Variants in NEB observed in about 807,000 individuals in gnomAD.
NEB encodes nebulin.
In NEB, 512 loss-of-function variants were observed where a neutral mutation model predicts 952.2. That is an observed-to-expected ratio of 0.54 (90% CI 0.50 to 0.58). The LOEUF (loss-of-function observed/expected upper bound fraction) is 0.58, where lower values mean the gene tolerates loss of function less well. Among genes scored for constraint, NEB ranks in the 20% least tolerant of loss-of-function variants. The probability of loss-of-function intolerance (pLI) is 0.00; values close to 1 mark genes in which losing one functional copy is unlikely to be tolerated. For synonymous variants in NEB, 2,900 were observed against 3,149.8 expected (o/e 0.92, Z 2.66); for missense variants, 8,428 against 9,231.1 (o/e 0.91, Z 3.56).
rs891237866 is a variant in NEB at position 151,616,623 on chromosome 2, G to A, written c.11182-514C>T. Among the ~76,000 whole-genome samples, 84 of 152,158 alleles carry A rather than the reference G, an allele frequency of 5.5e-4. 2 individuals carry two copies. The highest frequency in any genetic ancestry group is 6.5e-5 in the Admixed American group (1 of 15,272). ...GCAGGAGAATTGCTTGAACCCAGGA[G>A]GCGGAGGTTGCAGTGAACCAAAATT... On this transcript the variant is annotated intron_variant, in intron 75 of 181. Transcript: ENST00000397345.
At chr2:151,636,421 G>T in intron 63 of NEB, 87 bp from the exon 64 acceptor site, 1 of 1,000,660 alleles carries the variant, frequency 1.0e-6, no homozygotes, top group Non-Finnish European at 1.5e-6. Context: ...GTTCTCCACA[G>T]ACAGTGCCTA....
In NEB at chr2:151,679,756, T is replaced by C. The variant is rs779758933; in HGVS notation, c.3220A>G (p.Arg1074Gly). 3.8e-6 allele frequency: 6 copies of C among 1,559,256 alleles called. 1 individual carries two copies. The South Asian group carries it at 6.6e-5, about 17-fold the overall frequency. ...YDLRTDAIPI[R>G]AAKAARQAAS... ...GCCTGCCTGGCAGCTTTGGCAGCTC[T>C]GATGGGAATCGCATCAGTTCTCAGG... The change falls in exon 32 of 182, where the codon AGA becomes GGA. Residue 1074 changes from arginine (R) to glycine (G), a missense_variant. Arg to Gly is a moderately radical substitution (Grantham distance 125). Around this residue, in one of 11 missense-constraint regions of NEB, gnomAD observed 2,851 missense variants for 2,791.5 expected, o/e 1.02. Coordinates refer to ENST00000397345, the MANE Select transcript of NEB (RefSeq NM_001164508.2).
intron 148 of NEB, among the ~76,000 whole-genome samples, chr2:151,526,543 T>C (rs1024446249): frequency 1.3e-5 from 2 of 152,128 alleles, no homozygotes; most frequent in African/African-American, 4.8e-5. Flanking sequence ...CCATAAGCCC[T>C]CCATGAGCCC....
At chr2:151,531,144 A>G (rs1261976113) in intron 144 of NEB, 43 bp from the exon 145 acceptor site, 1 of 1,236,072 alleles carries the variant, frequency 8.1e-7, no homozygotes, top group Non-Finnish European at 1.2e-6. Context: ...CATGCTTCTC[A>G]ATGTATAATA....
chr2:151,656,209 G>A lies in NEB; in HGVS notation c.6439C>T (p.Leu2147Phe). 1 of 1,611,392 alleles carries A rather than the reference G, an allele frequency of 6.2e-7. No homozygotes were observed. Among genetic ancestry groups the A allele is most frequent in the Non-Finnish European group, 8.5e-7 (1 of 1,178,218 alleles). Residue 2147 changes from leucine (L) to phenylalanine (F), a missense_variant, in exon 49 of 182, where the codon CTT becomes TTT. By Grantham distance (22) the Leu-to-Phe change is conservative. Coordinates refer to ENST00000397345, the MANE Select transcript of NEB (RefSeq NM_001164508.2). ...YKHLIHKYIL[L>F]PDAMNIELTR... is the part of the protein sequence containing the mutation. ...AGCTCAATGTTCATTGCATCTGGAA[G>A]GAGGATGTACTTGTGAATCAGGTGC...
intron 138 of NEB, among the ~76,000 whole-genome samples, chr2:151,539,939 A>G (rs1175209944): frequency 6.6e-6 from 1 of 152,220 alleles, no homozygotes; most frequent in South Asian, 2.1e-4. Flanking sequence ...CATTCCACAT[A>G]TATGAAAAGA....
At chr2:151,574,044 G>A (rs959079862) in intron 107 of NEB, among the ~76,000 whole-genome samples, 11 of 152,080 alleles carry the variant, frequency 7.2e-5, no homozygotes, top group African/African-American at 2.4e-4. Flanking sequence ...CGTGATCTCG[G>A]CTTACTGCTA....
intron 34 of NEB, 85 bp from the exon 35 acceptor site, chr2:151,675,476 C>T: frequency 1.1e-6 from 1 of 878,510 alleles, no homozygotes; most frequent in Non-Finnish European, 1.7e-6. Context: ...CACAATCACC[C>T]ATGATTTTCT....
chr2:151,616,877 C>T lies in NEB; in HGVS notation c.11181+487G>A, dbSNP rs748230801. The stretch of plus-strand genomic sequence containing the variant: ...CTTATTTTGCTGTGGACTATTATCT[C>T]GGACAATGATTCATATATGGACCTG... On this transcript the variant is annotated intron_variant, in intron 75 of 181. Transcript: ENST00000397345. Among the ~76,000 whole-genome samples the T allele has an allele frequency of 1.1e-4, 17 of 152,288 alleles. 1 individual carries two copies. In the Middle Eastern group the frequency reaches 0.01, roughly 91 times the overall value.
rs1273020053 is a variant in NEB at position 151,719,405 on chromosome 2, GT to G, written c.718-1886del. Among the ~76,000 whole-genome samples the G allele has an allele frequency of 4.6e-5, 7 of 152,300 alleles. No individual in the cohort carries two copies. In the South Asian group the frequency reaches 1.5e-3, roughly 32 times the overall value. ...GTGTTCTTATTTATCAAGTAAAGCA[GT>G]TGAATAATCCCAAGGTCCCAATCAT... On this transcript the variant is annotated intron_variant, in intron 9 of 181. Coordinates refer to ENST00000397345, the MANE Select transcript of NEB (RefSeq NM_001164508.2).
At position 151,610,504 on chromosome 2, in the gene NEB, G is replaced by A; in HGVS notation, c.12018+12C>T. The A allele has an allele frequency of 6.3e-7, 1 of 1,584,148 alleles. No homozygotes were observed. The highest frequency in any genetic ancestry group is 8.7e-7 in the Non-Finnish European group (1 of 1,152,858). ...AGTGGAGACCACAGAGAGTTAGATG[G>A]AAGGTACTCACGTCACTGGCGATGT... On this transcript the variant is annotated intron_variant, in intron 80 of 181. Transcript: ENST00000397345.
In NEB at chr2:151,537,221, C is replaced by G. The variant is rs888854169; in HGVS notation, c.21118G>C (p.Asp7040His). ...CCAATGCCTTTAAGCCAAGTCAAGT[C>G]TTCTTTATATTTTACCTGGGAGAAG... ...DTVSDVKYKE[D>H]LTWLKGIGCY... Residue 7040 changes from aspartate (D) to histidine (H), a missense_variant, in exon 141 of 182, where the codon GAC (aspartate) becomes CAC (histidine). Around this residue, in one of 11 missense-constraint regions of NEB, gnomAD observed 3,374 missense variants for 3,651.5 expected, o/e 0.92. Transcript: ENST00000397345. 7 of 1,609,876 alleles carry G rather than the reference C, an allele frequency of 4.3e-6. No individual in the cohort carries two copies. Among genetic ancestry groups the G allele is most frequent in the Non-Finnish European group, 5.9e-6 (7 of 1,176,630 alleles).
intron 23 of NEB, among the ~76,000 whole-genome samples, 200 bp downstream of exon 23, chr2:151,691,664 T>TAAA (rs930004000): frequency 6.6e-6 from 1 of 152,136 alleles, no homozygotes; most frequent in African/African-American, 2.4e-5. Context: ...TTAAGATTTA[T>TAAA]AAAAATCTGA....
At chr2:151,499,015 A>C (rs2062409359) in intron 169 of NEB, among the ~76,000 whole-genome samples, 1 of 133,080 alleles carries the variant, frequency 7.5e-6, no homozygotes, top group Non-Finnish European at 1.6e-5. Context: ...GGTTCAGATC[A>C]AATTTGCCAA....
At chr2:151,631,442 T>G (rs1364684314) in intron 65 of NEB, 96 bp from the exon 66 acceptor site, 5 of 1,340,542 alleles carry the variant, frequency 3.7e-6, no homozygotes, top group Non-Finnish European at 5.0e-6. Context: ...AATTCTGTTT[T>G]CTATTCGTAG....
chr2:151,557,411 G>A (rs9751624), intron 124 of NEB, among the ~76,000 whole-genome samples: 42,140 of 151,742 alleles, frequency 0.28, 6,026 homozygotes, highest in East Asian at 0.44. Flanking sequence ...AGGACCAGAT[G>A]GATTCACACC....
At position 151,561,211 on chromosome 2, in the gene NEB, A is replaced by C; in HGVS notation, c.19098T>G (p.Ser6366Arg). ...AGAGGAGTACAGGAAGACGCACCTC[A>C]CTGGCATTAATGCCACTCTGAACAG... ...VTAVQSGINA[S>R]EVKYKENYHQ... The change falls in exon 122 of 182, where the codon AGT becomes AGG. Residue 6366 changes from serine (S) to arginine (R), a missense_variant. Physicochemically the swap from Ser to Arg is moderately radical, Grantham distance 110 (BLOSUM62 -1). Coordinates refer to ENST00000397345, the MANE Select transcript of NEB (RefSeq NM_001164508.2). 1 of 1,605,274 alleles carries C rather than the reference A, an allele frequency of 6.2e-7. No individual in the cohort carries two copies.
In NEB at chr2:151,579,186, T is replaced by C. The variant is rs558804962; in HGVS notation, c.16704+152A>G. On this transcript the variant is annotated intron_variant, in intron 105 of 181. Coordinates refer to ENST00000397345, the MANE Select transcript of NEB (RefSeq NM_001164508.2). ...AGCACCTTTAACAATGAAAACTTTCTGAAGAAACCTGGCTGTAGGTAGGCA... is the reference window on the plus strand; with the variant it reads ...AGCACCTTTAACAATGAAAACTTTCCGAAGAAACCTGGCTGTAGGTAGGCA... 7.2e-4 allele frequency among the ~76,000 whole-genome samples: 67 copies of C among 92,478 alleles called. No individual in the cohort carries two copies. In the Middle Eastern group the frequency reaches 0.019, roughly 26 times the overall value. 60.7% of individuals were successfully genotyped at this position (92,478 alleles called of 152,430 possible).
chr2:151,668,941 C>T (rs1317457080), intron 39 of NEB, 86 bp downstream of exon 39: 1 of 980,730 alleles, frequency 1.0e-6, no homozygotes, highest in Non-Finnish European at 1.5e-6. Flanking sequence ...TGAATTGCGC[C>T]CCCTACAATT....
Sources: allele counts gnomAD v4.1 joint callset (sites outside exome capture counted in the v4.1 genomes callset), GRCh38; gene constraint gnomAD v4.1.1; regional missense constraint gnomAD v4.1.1; transcripts MANE v1.5; gene names NCBI Gene and HGNC (gene_info 2026-07-23, HGNC 2026-07-21).